STPG2: variants seen among roughly 807,000 people sequenced by gnomAD.
STPG2 encodes sperm-tail PG-rich repeat-containing protein 2.
STPG2 carries 56 observed loss-of-function variants against 54.2 expected under a neutral mutation model. The observed-to-expected ratio is 1.03, with a 90% CI of 0.83 to 1.29. The LOEUF (loss-of-function observed/expected upper bound fraction) is 1.29, where lower values mean the gene tolerates loss of function less well. Among genes scored for constraint, STPG2 ranks in the 50% most tolerant of loss-of-function variants. The pLI, the probability that STPG2 is intolerant of heterozygous loss-of-function variation, is 0.00. For synonymous variants in STPG2, 200 were observed against 181.8 expected (o/e 1.10, Z -0.81); for missense variants, 596 against 544.9 (o/e 1.09, Z -0.93).
At chr4:97,974,431 A>G (rs576373715) in intron 6 of STPG2, among the ~76,000 whole-genome samples, 1 of 152,266 alleles carries the variant, frequency 6.6e-6, no homozygotes, top group South Asian at 2.1e-4. Flanking sequence ...GGAAGGCATG[A>G]TTTGTTTAGA....
At chr4:97,800,638 C>T (rs1448712036) in intron 9 of STPG2, among the ~76,000 whole-genome samples, 1 of 152,180 alleles carries the variant, frequency 6.6e-6, no homozygotes, top group Non-Finnish European at 1.5e-5. Context: ...CAGGGACCCA[C>T]TTGAGGAGGC....
At chr4:97,943,800 A>G (rs1733092533) in intron 8 of STPG2, 97 bp downstream of exon 8, 3 of 856,844 alleles carry the variant, frequency 3.5e-6, no homozygotes, top group Middle Eastern at 2.4e-4. Context: ...GCACGCTACC[A>G]GTTACCTCAC....
chr4:97,674,988 G>A (rs1353571450), intron 10 of STPG2, among the ~76,000 whole-genome samples: 1 of 152,002 alleles, frequency 6.6e-6, no homozygotes, highest in Non-Finnish European at 1.5e-5. Flanking sequence ...AGTATATATT[G>A]ATAATATTGA....
chr4:97,749,575 A>G (rs1192193917), intron 9 of STPG2, among the ~76,000 whole-genome samples: 1 of 151,758 alleles, frequency 6.6e-6, no homozygotes, highest in East Asian at 1.9e-4. Context: ...AAGTAAAAAA[A>G]TATTTGAGTG....
At chr4:97,884,288 G>A (rs1730482211) in intron 8 of STPG2, among the ~76,000 whole-genome samples, 2 of 152,104 alleles carry the variant, frequency 1.3e-5, no homozygotes, top group South Asian at 4.1e-4. Context: ...TTTTTACAAT[G>A]AACTTAACCC....
At position 97,844,803 on chromosome 4, in the gene STPG2, A is replaced by T. The variant is rs141460480; in HGVS notation, c.1045-3871T>A. Among the ~76,000 whole-genome samples the T allele has an allele frequency of 1.9e-3, 285 of 151,946 alleles. 1 individual carries two copies. Among genetic ancestry groups the T allele is most frequent in the African/African-American group, 6.4e-3 (266 of 41,460 alleles). ...CACCTCTCCTTCTGGGTCTTTTATT[A>T]TCCATATGCTAAAATACTTGACATT... On this transcript the variant is annotated intron_variant, in intron 8 of 10. Transcript: ENST00000295268.
chr4:98,133,347 T>C (rs6829431), intron 2 of STPG2, among the ~76,000 whole-genome samples: 3,469 of 152,154 alleles, frequency 0.023, 109 homozygotes, highest in African/African-American at 0.079. Flanking sequence ...TTTTAAGTCA[T>C]TGATCTACAA....
chr4:98,112,100 TGAGCC>T (rs1188363662), intron 3 of STPG2, among the ~76,000 whole-genome samples: 1 of 152,084 alleles, frequency 6.6e-6, no homozygotes, highest in Non-Finnish European at 1.5e-5. Context: ...CATAATCACA[TGAGCC>T]AATTCCCAGA....
intron 10 of STPG2, among the ~76,000 whole-genome samples, chr4:97,664,645 C>T (rs1722467172): frequency 6.6e-6 from 1 of 151,994 alleles, no homozygotes; most frequent in African/African-American, 2.4e-5. Flanking sequence ...AGGTACTCCA[C>T]AGTTTTCAAT....
chr4:97,473,596 T>G (rs1275793498), intron 4 of STPG2, among the ~76,000 whole-genome samples: 1 of 152,188 alleles, frequency 6.6e-6, no homozygotes, highest in Non-Finnish European at 1.5e-5. Flanking sequence ...CCCGGTCCTG[T>G]GCTCCTGTGA....
chr4:97,769,650 TTA>T (rs766101492), intron 9 of STPG2, among the ~76,000 whole-genome samples: 3 of 151,258 alleles, frequency 2.0e-5, no homozygotes, highest in Admixed American at 6.6e-5. Flanking sequence ...TTCAATTATT[TTA>T]TATATATATA....
chr4:97,854,990 A>T (rs968790852), intron 8 of STPG2, among the ~76,000 whole-genome samples: 1 of 152,166 alleles, frequency 6.6e-6, no homozygotes, highest in African/African-American at 2.4e-5. Context: ...CTTACAAGTG[A>T]GAACATGCGA....
intron 10 of STPG2, among the ~76,000 whole-genome samples, chr4:97,706,271 T>C (rs1181373896): frequency 1.3e-5 from 2 of 152,168 alleles, no homozygotes; most frequent in Non-Finnish European, 2.9e-5. Flanking sequence ...TAGAGACTAA[T>C]GCCCTAAAAA....
intron 4 of STPG2, among the ~76,000 whole-genome samples, chr4:97,529,836 T>C (rs1030626820): frequency 5.3e-5 from 8 of 152,174 alleles, no homozygotes; most frequent in Non-Finnish European, 1.0e-4. Context: ...CCAGGCTGTT[T>C]CCTTAAAGTG....
chr4:97,676,259 C>T (rs1161705789), intron 10 of STPG2, among the ~76,000 whole-genome samples: 6 of 151,540 alleles, frequency 4.0e-5, no homozygotes, highest in Non-Finnish European at 8.8e-5. Context: ...TACCTACCAG[C>T]TATTTCAGAT....
chr4:97,849,817 T>C (rs1011231662), intron 8 of STPG2, among the ~76,000 whole-genome samples: 5 of 151,992 alleles, frequency 3.3e-5, no homozygotes, highest in African/African-American at 7.3e-5. Context: ...TTTTACACTG[T>C]TGGTGGGACT....
At chr4:97,617,883 C>G (rs1227687905) in intron 10 of STPG2, among the ~76,000 whole-genome samples, 1 of 152,094 alleles carries the variant, frequency 6.6e-6, no homozygotes, top group Admixed American at 6.6e-5. Context: ...TGATATACAT[C>G]ATAGTCTTTA....
At chr4:97,833,051 A>G (rs559296288) in intron 9 of STPG2, among the ~76,000 whole-genome samples, 1 of 152,310 alleles carries the variant, frequency 6.6e-6, no homozygotes, top group African/African-American at 2.4e-5. Context: ...CGCATTGCCA[A>G]GACAATCCTA....
chr4:97,572,459 C>G (rs779859480), intron 10 of STPG2, among the ~76,000 whole-genome samples: 37 of 152,050 alleles, frequency 2.4e-4, no homozygotes, highest in Admixed American at 3.9e-4. Context: ...CATATAAGAA[C>G]AGTTTTTGAA....
Sources: gnomAD v4.1 joint callset for allele counts (sites outside exome capture counted in the v4.1 genomes callset) on GRCh38, gnomAD v4.1.1 for gene constraint, MANE v1.5 for transcripts, NCBI Gene and HGNC (gene_info 2026-07-23, HGNC 2026-07-21) for gene names.